The following XKR9 variants were observed in gnomAD, a reference collection of about 807,000 sequenced individuals.
The protein encoded by XKR9 is XK related 9.
XKR9 carries 32 observed loss-of-function variants against 32.0 expected under a neutral mutation model. That is an observed-to-expected ratio of 1.00 (90% confidence interval 0.76 to 1.34). XKR9 has a LOEUF of 1.34. Ranked by LOEUF, XKR9 falls within the 40% of genes most tolerant of loss-of-function variation. The pLI is 0.00. For missense variants in XKR9, 546 were observed against 429.7 expected (o/e 1.27, Z -2.39); for synonymous variants, 168 against 143.4 (o/e 1.17, Z -1.22).
chr8:70,748,542 G>A lies in XKR9; in HGVS notation n.353-40797G>A, dbSNP rs571486639. ...CTCTAGACTTTGGGTACTGACAAGC[G>A]TGGGAGGGAGGCTGGTGGGGGCTGA... On this transcript the variant is annotated intron_variant and non_coding_transcript_variant, in intron 2 of 3. Transcript: ENST00000520273. Among the ~76,000 whole-genome samples, 172 of 152,354 alleles carry A rather than the reference G, an allele frequency of 1.1e-3. 2 individuals are homozygous for A. The highest frequency in any genetic ancestry group is 3.6e-3 in the African/African-American group (149 of 41,580).
the XKR9 span, among the ~76,000 whole-genome samples, chr8:70,795,584 T>C: frequency 1.3e-5 from 2 of 152,192 alleles, no homozygotes; most frequent in African/African-American, 4.8e-5. Flanking sequence ...GTTGAACTAA[T>C]TTATACTCCC....
the XKR9 span, among the ~76,000 whole-genome samples, chr8:71,003,470 A>C: frequency 6.6e-6 from 1 of 152,054 alleles, no homozygotes; most frequent in Non-Finnish European, 1.5e-5. Context: ...TTTCAACCTA[A>C]AGATTATTTC....
chr8:70,907,444 T>C, the XKR9 span, among the ~76,000 whole-genome samples: 15 of 152,220 alleles, frequency 9.9e-5, no homozygotes, highest in African/African-American at 4.8e-5. Context: ...CCCATTGCTA[T>C]GATTAAGGCC....
At chr8:70,733,596 A>G (rs758104044) in intron 4 of XKR9, among the ~76,000 whole-genome samples, 200 bp from the exon 5 acceptor site, 5 of 152,098 alleles carry the variant, frequency 3.3e-5, no homozygotes, top group Middle Eastern at 3.2e-3. Flanking sequence ...TAGCTTTGCA[A>G]CTTGGGTCAA....
At chr8:70,761,694 TTTAA>T (rs1807311382) in intron 2 of XKR9, among the ~76,000 whole-genome samples, 1 of 152,160 alleles carries the variant, frequency 6.6e-6, no homozygotes, top group Non-Finnish European at 1.5e-5. Flanking sequence ...AGCTCTTTAG[TTTAA>T]TTAGATCTCA....
chr8:70,700,346 A>G (rs577736557), intron 3 of XKR9, among the ~76,000 whole-genome samples: 1 of 152,160 alleles, frequency 6.6e-6, no homozygotes, highest in African/African-American at 2.4e-5. Context: ...ATGGTGATGT[A>G]CAGATGGGTT....
At chr8:70,866,390 A>AT in the XKR9 span, among the ~76,000 whole-genome samples, 1 of 152,306 alleles carries the variant, frequency 6.6e-6, no homozygotes, top group African/African-American at 2.4e-5. Flanking sequence ...GCATATGGGG[A>AT]TAGGGAAAGG....
At chr8:71,020,178 G>A in the XKR9 span, among the ~76,000 whole-genome samples, 2 of 152,304 alleles carry the variant, frequency 1.3e-5, no homozygotes, top group East Asian at 1.9e-4. Flanking sequence ...GATTTGACAA[G>A]TACACATTTT....
chr8:70,963,804 T>C, the XKR9 span, among the ~76,000 whole-genome samples: 2 of 152,240 alleles, frequency 1.3e-5, no homozygotes, highest in African/African-American at 4.8e-5. Context: ...TGCCCATGTT[T>C]TAATGGGGTT....
At chr8:70,905,354 C>T in the XKR9 span, among the ~76,000 whole-genome samples, 2 of 152,104 alleles carry the variant, frequency 1.3e-5, no homozygotes, top group African/African-American at 2.4e-5. Context: ...TCTCTTCTTG[C>T]TTCATTTCAT....
chr8:70,973,096 CT>C, the XKR9 span, among the ~76,000 whole-genome samples: 2 of 151,740 alleles, frequency 1.3e-5, no homozygotes, highest in South Asian at 2.1e-4. Context: ...TGGTCCTGGA[CT>C]TTTTTTTGTT....
the XKR9 span, among the ~76,000 whole-genome samples, chr8:70,841,227 A>G: frequency 6.6e-6 from 1 of 152,170 alleles, no homozygotes; most frequent in Non-Finnish European, 1.5e-5. Flanking sequence ...AAGAACTGGT[A>G]GATTTCTTAG....
the XKR9 span, among the ~76,000 whole-genome samples, chr8:70,857,396 C>T: frequency 1.3e-5 from 2 of 152,152 alleles, no homozygotes. Flanking sequence ...AATTCCTGGA[C>T]ACATACACCC....
chr8:70,866,404 T>A, the XKR9 span, among the ~76,000 whole-genome samples: 1 of 152,256 alleles, frequency 6.6e-6, no homozygotes, highest in South Asian at 2.1e-4. Context: ...GGAAAGGAAG[T>A]GATTGTGAAG....
chr8:70,923,325 T>C, the XKR9 span, among the ~76,000 whole-genome samples: 1 of 152,230 alleles, frequency 6.6e-6, no homozygotes, highest in African/African-American at 2.4e-5. Context: ...CCCTTGCCTG[T>C]TCTTTGGATA....
the XKR9 span, among the ~76,000 whole-genome samples, chr8:70,809,187 T>A: frequency 3.3e-5 from 5 of 152,158 alleles, no homozygotes; most frequent in African/African-American, 4.8e-5. Flanking sequence ...GCAAACAGGA[T>A]CTGGAGTGGA....
chr8:70,918,927 G>A, the XKR9 span, among the ~76,000 whole-genome samples: 2 of 151,390 alleles, frequency 1.3e-5, no homozygotes, highest in East Asian at 2.0e-4. Flanking sequence ...ACAGGCGCCC[G>A]CCACCACGCC....
At chr8:71,048,070 A>G in the XKR9 span, among the ~76,000 whole-genome samples, 1 of 152,190 alleles carries the variant, frequency 6.6e-6, no homozygotes, top group Admixed American at 6.5e-5. Flanking sequence ...CTTCCATGTG[A>G]GGGAGACACA....
the XKR9 span, among the ~76,000 whole-genome samples, chr8:70,968,066 G>A: frequency 6.6e-6 from 1 of 152,074 alleles, no homozygotes. Context: ...TCTCTTTCAG[G>A]TGCTCCAATC....
Sources: gnomAD v4.1 joint callset for allele counts (sites outside exome capture counted in the v4.1 genomes callset) on GRCh38, gnomAD v4.1.1 for gene constraint, MANE v1.5 for transcripts, NCBI Gene and HGNC (gene_info 2026-07-23, HGNC 2026-07-21) for gene names.